MTOR: variants seen among roughly 807,000 people sequenced by gnomAD.
MTOR encodes the protein mechanistic target of rapamycin kinase.
In MTOR, 70 loss-of-function variants were observed where a neutral mutation model predicts 319.8. The ratio of observed to expected loss-of-function variants is 0.22; its 90% confidence interval spans 0.18 to 0.27. The LOEUF (loss-of-function observed/expected upper bound fraction) is 0.27, where lower values mean the gene tolerates loss of function less well. Among genes scored for constraint, MTOR ranks in the 10% least tolerant of loss-of-function variants. MTOR has a pLI of 1.00. For missense variants in MTOR, 1,890 were observed against 3,274.4 expected, an observed-to-expected ratio of 0.58 and a Z score of 10.32; for synonymous variants, 1,183 against 1,211.4, an observed-to-expected ratio of 0.98 and a Z score of 0.49.
rs2100287312 is a variant in MTOR, at chr1:11,109,354, C to T, written c.7464G>A (p.Val2488=). 6.2e-7 allele frequency: 1 copy of T among 1,614,194 alleles called. No individual in the cohort carries two copies. The highest frequency in any genetic ancestry group is 8.5e-7 in the Non-Finnish European group (1 of 1,180,022). Residue 2488 remains valine, a synonymous_variant, in exon 56 of 58, where the codon GTG becomes GTA. Transcript: ENST00000361445. The surrounding 1 kb of genome is among the most constrained non-coding windows in gnomAD (Gnocchi z 4.0). ...CTTTCTTATTTAGGGCCTCTGGTTT[C>T]ACCAAACCGTCTCCAACTGGAATAC... ...SIHSFIGDGL[V]KPEALNKKAI... is the part of the protein sequence containing the mutation.
chr1:11,247,498 A>C, intron 8 of MTOR, 127 bp downstream of exon 8: 4 of 761,200 alleles, frequency 5.3e-6, no homozygotes, highest in Non-Finnish European at 8.7e-6. Context: ...TTGAAATTGG[A>C]CATGAGACAA....
chr1:11,135,699 G>GGTA (rs1282232388), intron 36 of MTOR, among the ~76,000 whole-genome samples: 1 of 151,514 alleles, frequency 6.6e-6, no homozygotes, highest in African/African-American at 2.4e-5. Flanking sequence ...CGGGCGTGGT[G>GGTA]GGGCGCGCCT....
chr1:11,124,424 T>C lies in MTOR; in HGVS notation c.6662+74A>G, dbSNP rs546593811. The C allele has an allele frequency of 3.5e-5, 54 of 1,556,268 alleles. No homozygotes were observed. The African/African-American group carries it at 6.4e-4, about 18-fold the overall frequency. On this transcript the variant is annotated intron_variant, in intron 47 of 57. Coordinates refer to ENST00000361445, the MANE Select transcript of MTOR (RefSeq NM_004958.4). ...TAGTTTTTTGTTAAGATATAATACA[T>C]GACTACACGAGACAAATGTAGGAAA...
chr1:11,212,396 A>G lies in MTOR; in HGVS notation c.3477T>C (p.Ile1159=). Residue 1159 remains isoleucine (I), a synonymous_variant, in exon 23 of 58, where the codon ATT becomes ATC. Transcript: ENST00000361445. This position sits in a 1 kb window ranked among gnomAD's most constrained non-coding sequence, Gnocchi z 4.1. ...CTGGGCTCTGGTCCAGTGTTCGAAC[A>G]ATAGGGTGAATGATCCGGGAGGCAT... The part of the protein sequence containing the change: ...TDYASRIIHP[I]VRTLDQSPEL... 1.2e-6 allele frequency: 2 copies of G among 1,614,166 alleles called. No homozygotes were observed. The highest frequency in any genetic ancestry group is 1.7e-6 in the Non-Finnish European group (2 of 1,180,014).
In MTOR at chr1:11,152,659, G is replaced by A. The variant is rs564357701; in HGVS notation, c.4470-2433C>T. The stretch of plus-strand genomic sequence containing the variant: ...TGCCTAGCTCTCACAGCCTCCTGGA[G>A]GCAGATAAGAATGGGGAAATGGGAA... On this transcript the variant is annotated intron_variant, in intron 30 of 57. Transcript: ENST00000361445. Among the ~76,000 whole-genome samples, 9 of 152,236 alleles carry A rather than the reference G, an allele frequency of 5.9e-5. No individual in the cohort carries two copies. The East Asian group carries it at 1.7e-3, about 29-fold the overall frequency.
rs1240460996 is a variant in MTOR, at chr1:11,121,194, T to C, written c.6933+52A>G. ...ATGAACAGATGGGAGGGCCATCCTA[T>C]TGCGAGTGGGGGTTCCAGGAGAGCG... On this transcript the variant is annotated intron_variant, in intron 49 of 57. Transcript: ENST00000361445. The surrounding 1 kb of genome is among the most constrained non-coding windows in gnomAD (Gnocchi z 4.9). 2 of 1,605,910 alleles carry C rather than the reference T, an allele frequency of 1.2e-6. No homozygotes were observed. Among genetic ancestry groups the C allele is most frequent in the African/African-American group, 2.7e-5 (2 of 75,014 alleles).
At chr1:11,200,784 G>C (rs1462120967) in intron 26 of MTOR, among the ~76,000 whole-genome samples, 1 of 152,194 alleles carries the variant, frequency 6.6e-6, no homozygotes, top group Non-Finnish European at 1.5e-5. Context: ...GGGGGGCTGA[G>C]GCGGGCGGAT....
At chr1:11,160,950 T>A (rs1644458710) in intron 29 of MTOR, among the ~76,000 whole-genome samples, 2 of 152,206 alleles carry the variant, frequency 1.3e-5, no homozygotes, top group Middle Eastern at 6.8e-3. Context: ...GGACAGTGGG[T>A]GCAGCCCATG....
At chr1:11,184,610 A>G (rs1286331477) in intron 28 of MTOR, among the ~76,000 whole-genome samples, 2 of 152,136 alleles carry the variant, frequency 1.3e-5, no homozygotes, top group African/African-American at 4.8e-5. Context: ...GTGCGCTTGT[A>G]TTCCCAGCTA....
intron 29 of MTOR, among the ~76,000 whole-genome samples, chr1:11,165,632 A>T (rs1295491542): frequency 6.6e-6 from 1 of 152,182 alleles, no homozygotes; most frequent in East Asian, 1.9e-4. Flanking sequence ...ATGCTCATGG[A>T]TAGGAAGAAT....
At chr1:11,108,508 G>A (rs1443498752) in intron 56 of MTOR, among the ~76,000 whole-genome samples, 2 of 151,904 alleles carry the variant, frequency 1.3e-5, no homozygotes, top group Non-Finnish European at 1.5e-5. Context: ...GAGGTCAGGA[G>A]TTCAACACCA....
chr1:11,193,001 C>T (rs1405011404), intron 28 of MTOR, among the ~76,000 whole-genome samples: 3 of 152,004 alleles, frequency 2.0e-5, no homozygotes, highest in South Asian at 2.1e-4. Flanking sequence ...AAAGAAAACA[C>T]GAAGGCAGCA....
At chr1:11,117,115 G>A (rs767777797) in intron 49 of MTOR, 29 bp from the exon 50 acceptor site, 10 of 1,543,164 alleles carry the variant, frequency 6.5e-6, no homozygotes, top group African/African-American at 4.2e-5. Flanking sequence ...TGTGAACTAC[G>A]GTTCTGGAAA....
chr1:11,211,091 G>C (rs1158913007), intron 23 of MTOR, among the ~76,000 whole-genome samples, 185 bp from the exon 24 acceptor site: 1 of 152,172 alleles, frequency 6.6e-6, no homozygotes, highest in Non-Finnish European at 1.5e-5. Context: ...CCATCATCTG[G>C]TTTATGATGG....
chr1:11,190,054 T>C, intron 28 of MTOR: 1 of 1,403,326 alleles, frequency 7.1e-7, no homozygotes, highest in Non-Finnish European at 9.6e-7. Flanking sequence ...GGGGCCTCTT[T>C]TGTGGGTACA....
intron 19 of MTOR, among the ~76,000 whole-genome samples, chr1:11,224,421 G>T (rs1188625117): frequency 1.3e-5 from 2 of 151,976 alleles, no homozygotes; most frequent in African/African-American, 2.4e-5. Flanking sequence ...TAATCTCAAA[G>T]ATACATAAAA....
chr1:11,195,017 G>A, intron 28 of MTOR: 1 of 1,613,536 alleles, frequency 6.2e-7, no homozygotes, highest in Non-Finnish European at 8.5e-7. Flanking sequence ...AAGACTTCAA[G>A]CCTTAAAAGG....
At chr1:11,146,588 A>T in intron 32 of MTOR, 88 bp downstream of exon 32, 1 of 974,692 alleles carries the variant, frequency 1.0e-6, no homozygotes, top group Non-Finnish European at 1.6e-6. Flanking sequence ...GACCTGAAGT[A>T]CAACAGCTTC....
At chr1:11,220,759 A>C (rs1041249847) in intron 19 of MTOR, among the ~76,000 whole-genome samples, 8 of 152,170 alleles carry the variant, frequency 5.3e-5, no homozygotes, top group Non-Finnish European at 8.8e-5. Flanking sequence ...CAACATCTTG[A>C]TTTTAGCCCA....
Sources: allele counts gnomAD v4.1 joint callset (sites outside exome capture counted in the v4.1 genomes callset), GRCh38; gene constraint gnomAD v4.1.1; non-coding constraint Gnocchi (gnomAD v3.1); transcripts MANE v1.5; gene names NCBI Gene and HGNC (gene_info 2026-07-23, HGNC 2026-07-21).